The following CACNA1I variants were observed in gnomAD, a reference collection of about 807,000 sequenced individuals.
The protein encoded by CACNA1I is calcium voltage-gated channel subunit alpha1 I.
A neutral mutation model predicts 201.6 loss-of-function variants in CACNA1I; 74 were observed. The observed-to-expected ratio is 0.37, with a 90% CI of 0.30 to 0.45. The LOEUF (loss-of-function observed/expected upper bound fraction) is 0.45, where lower values mean the gene tolerates loss of function less well. Among genes scored for constraint, CACNA1I ranks in the 20% least tolerant of loss-of-function variants. CACNA1I has a pLI of 1.00. For missense variants in CACNA1I, 2,346 were observed against 3,138.1 expected, an observed-to-expected ratio of 0.75 and a Z score of 6.03; for synonymous variants, 1,431 against 1,345.2, an observed-to-expected ratio of 1.06 and a Z score of -1.40.
Position 39,640,846 on chromosome 22 carries a change from C to T in CACNA1I, c.741-21C>T, listed in dbSNP as rs758106152. The stretch of plus-strand genomic sequence containing the variant: ...TGACCCCTCCCCTTTCCCTCTTTTA[C>T]CCACCCTCGCCTGTGGACAGACAAG... On this transcript the variant is annotated intron_variant, in intron 5 of 36. Coordinates refer to ENST00000402142, the MANE Select transcript of CACNA1I (RefSeq NM_021096.4). The T allele has an allele frequency of 3.8e-6, 6 of 1,589,772 alleles. No homozygotes were observed. In the South Asian group the frequency reaches 4.5e-5, roughly 12 times the overall value.
chr22:39,645,121 G>A (rs908795770), intron 7 of CACNA1I, among the ~76,000 whole-genome samples: 1 of 151,790 alleles, frequency 6.6e-6, no homozygotes, highest in African/African-American at 2.4e-5. Context: ...TGAGTAGCTG[G>A]GATTACAGGC....
At chr22:39,637,106 G>T (rs561869409) in intron 5 of CACNA1I, among the ~76,000 whole-genome samples, 1 of 152,302 alleles carries the variant, frequency 6.6e-6, no homozygotes, top group Non-Finnish European at 1.5e-5. Flanking sequence ...CAGGGGCCAG[G>T]GCCTATGCTG....
intron 4 of CACNA1I, among the ~76,000 whole-genome samples, chr22:39,627,554 G>T (rs375490616): frequency 6.6e-6 from 1 of 152,366 alleles, no homozygotes; most frequent in Admixed American, 6.5e-5. Flanking sequence ...CCAGGGTCAT[G>T]GTCAGGCCAG....
intron 2 of CACNA1I, 73 bp from the exon 3 acceptor site, chr22:39,600,447 C>T: frequency 7.6e-7 from 1 of 1,316,576 alleles, no homozygotes; most frequent in Non-Finnish European, 1.1e-6. Flanking sequence ...CCACCTCACA[C>T]TGTGGCTGCA....
intron 31 of CACNA1I, among the ~76,000 whole-genome samples, chr22:39,678,895 G>A (rs543884583): frequency 3.3e-5 from 5 of 152,314 alleles, no homozygotes; most frequent in African/African-American, 4.8e-5. Context: ...AGGAGAGGGC[G>A]CTGGGCCATC....
chr22:39,639,363 C>G (rs928085930), intron 5 of CACNA1I, among the ~76,000 whole-genome samples: 1 of 152,194 alleles, frequency 6.6e-6, no homozygotes, highest in African/African-American at 2.4e-5. Context: ...TCTGGTCGAA[C>G]TTTTCCTTTA....
At chr22:39,672,402 A>C (rs1935401116) in intron 27 of CACNA1I, 94 bp downstream of exon 27, 1 of 827,362 alleles carries the variant, frequency 1.2e-6, no homozygotes, top group South Asian at 1.4e-5. Flanking sequence ...CAGCCTGAAG[A>C]GGGGAACCAG....
chr22:39,679,213 T>A lies in CACNA1I; in HGVS notation c.5162T>A (p.Leu1721His). Residue 1721 changes from leucine to histidine, a missense_variant, in exon 32 of 37, where the codon CTC (leucine) becomes CAC (histidine). By Grantham distance (99) the Leu-to-His change is moderately conservative. This residue lies in a region of CACNA1I where 64 missense variants were observed against 131.8 expected (regional missense o/e 0.49). Coordinates refer to ENST00000402142, the MANE Select transcript of CACNA1I (RefSeq NM_021096.4). ...TTCGTGCTCACCGCGCAGTTCGTGC[T>A]CATCAACGTGGTGGTGGCTGTGCTC... The part of the protein sequence containing the change: ...VSFVLTAQFV[L>H]INVVVAVLMK... 1 of 1,593,418 alleles carries A rather than the reference T, an allele frequency of 6.3e-7. No homozygotes were observed. Among genetic ancestry groups the A allele is most frequent in the Non-Finnish European group, 8.5e-7 (1 of 1,170,902 alleles).
At chr22:39,624,678 C>T (rs974196356) in intron 4 of CACNA1I, among the ~76,000 whole-genome samples, 9 of 152,192 alleles carry the variant, frequency 5.9e-5, no homozygotes, top group Admixed American at 5.9e-4. Flanking sequence ...TGGTCTAACC[C>T]TCATTTCGCG....
At chr22:39,652,582 G>A (rs1934682620) in intron 10 of CACNA1I, among the ~76,000 whole-genome samples, 1 of 152,186 alleles carries the variant, frequency 6.6e-6, no homozygotes, top group African/African-American at 2.4e-5. Flanking sequence ...TGCTCAGAGA[G>A]CAAATAGATC....
Position 39,607,763 on chromosome 22 carries a change from C to T in CACNA1I, c.482+7110C>T, listed in dbSNP as rs1933259489. On this transcript the variant is annotated intron_variant, in intron 3 of 36. Transcript: ENST00000402142. ...CAGCACTTTGGGAGGCTGAGGCAGG[C>T]AGATCACCTGAGGTCAGGAGTTTGA... Among the ~76,000 whole-genome samples, 3 of 151,894 alleles carry T rather than the reference C, an allele frequency of 2.0e-5. No individual in the cohort carries two copies. In the East Asian group the frequency reaches 5.8e-4, roughly 29 times the overall value.
At chr22:39,596,659 G>T (rs531788973) in intron 1 of CACNA1I, among the ~76,000 whole-genome samples, 2 of 151,832 alleles carry the variant, frequency 1.3e-5, no homozygotes, top group South Asian at 4.2e-4. Context: ...GTGCTGGGGA[G>T]GGAGGTGGTC....
At chr22:39,653,169 G>GTGGGTGC (rs1306953128) in intron 10 of CACNA1I, among the ~76,000 whole-genome samples, 25 of 151,570 alleles carry the variant, frequency 1.6e-4, no homozygotes, top group South Asian at 8.3e-4. Flanking sequence ...TGACTGCATT[G>GTGGGTGC]AGAACCTGGC....
intron 1 of CACNA1I, among the ~76,000 whole-genome samples, chr22:39,595,877 G>A (rs1488611127): frequency 6.6e-6 from 1 of 151,792 alleles, no homozygotes; most frequent in Admixed American, 6.6e-5. Flanking sequence ...CCTTTGGAAT[G>A]TAGATTAGAG....
chr22:39,598,409 G>A (rs904434651), intron 2 of CACNA1I, 147 bp downstream of exon 2: 5 of 614,466 alleles, frequency 8.1e-6, no homozygotes, highest in Non-Finnish European at 1.5e-5. Context: ...TCCCCATCCT[G>A]CGCTGCACTA....
At chr22:39,683,759 G>T (rs1045485496) in intron 35 of CACNA1I, among the ~76,000 whole-genome samples, 3 of 70,548 alleles carry the variant, frequency 4.3e-5, no homozygotes, top group African/African-American at 1.8e-4. Context: ...CCCCATCCTT[G>T]CCCCTCACCA....
intron 4 of CACNA1I, among the ~76,000 whole-genome samples, chr22:39,620,012 TATCCATCCATCC>T (rs564900279): frequency 1.2e-4 from 11 of 92,916 alleles, no homozygotes; most frequent in African/African-American, 3.6e-4. Flanking sequence ...TCCACCTGTC[TATCCATCCATCC>T]ATCCATCCAT....
At chr22:39,600,467 C>A in intron 2 of CACNA1I, 53 bp from the exon 3 acceptor site, 1 of 1,516,580 alleles carries the variant, frequency 6.6e-7, no homozygotes, top group Non-Finnish European at 9.1e-7. Context: ...AACCCCTGGG[C>A]CCTGCTCTGC....
At chr22:39,663,383 G>T (rs892294434) in intron 18 of CACNA1I, among the ~76,000 whole-genome samples, 1 of 152,208 alleles carries the variant, frequency 6.6e-6, no homozygotes, top group African/African-American at 2.4e-5. Flanking sequence ...GGAGCCTGGT[G>T]CAGGGGCAGG....
Sources: allele counts gnomAD v4.1 joint callset (sites outside exome capture counted in the v4.1 genomes callset), GRCh38; gene constraint gnomAD v4.1.1; regional missense constraint gnomAD v4.1.1; transcripts MANE v1.5; gene names NCBI Gene and HGNC (gene_info 2026-07-23, HGNC 2026-07-21).